The following ARHGEF7 variants were observed in gnomAD, a reference collection of about 807,000 sequenced individuals.
The protein encoded by ARHGEF7 is Rho guanine nucleotide exchange factor 7.
Under a neutral mutation model 109.8 loss-of-function variants are expected in ARHGEF7, and 33 were observed. That is an observed-to-expected ratio of 0.30 (90% CI 0.23 to 0.40). The LOEUF is 0.40. Ranked by LOEUF, ARHGEF7 falls within the 10% of genes least tolerant of loss-of-function variation. The probability of loss-of-function intolerance (pLI) is 1.00; values close to 1 mark genes in which losing one functional copy is unlikely to be tolerated. For synonymous variants in ARHGEF7, 458 were observed against 424.6 expected, an observed-to-expected ratio of 1.08 and a Z score of -0.97; for missense variants, 938 against 1,098.5, an observed-to-expected ratio of 0.85 and a Z score of 2.07.
intron 6 of ARHGEF7, among the ~76,000 whole-genome samples, chr13:111,235,060 T>C (rs1228975938): frequency 6.6e-6 from 1 of 152,244 alleles, no homozygotes; most frequent in African/African-American, 2.4e-5. Context: ...AGCTGCCCTT[T>C]CCTCTTGCAT....
Position 111,131,768 on chromosome 13 carries a change from C to T in ARHGEF7, c.165+16077C>T, listed in dbSNP as rs1224042882. Among the ~76,000 whole-genome samples the T allele has an allele frequency of 6.6e-6, 1 of 152,106 alleles. No individual in the cohort carries two copies. The highest frequency in any genetic ancestry group is 1.9e-4 in the East Asian group (1 of 5,174). On this transcript the variant is annotated intron_variant, in intron 1 of 21. Coordinates refer to ENST00000646102, the MANE Select transcript of ARHGEF7 (RefSeq NM_001354046.2). The surrounding 1 kb of genome is among the most constrained non-coding windows in gnomAD (Gnocchi z 4.4). ...GATTGTCTGCTGGCTTGGGCCTGTG[C>T]TGGGTGGGAAGGAGGGTGCTATTCC...
At chr13:111,174,491 C>T (rs527793857) in intron 2 of ARHGEF7, among the ~76,000 whole-genome samples, 14 of 152,312 alleles carry the variant, frequency 9.2e-5, no homozygotes, top group Admixed American at 9.1e-4. Flanking sequence ...CTTTCTTGCT[C>T]TTCCTTCACC....
chr13:111,273,677 A>T lies in ARHGEF7; in HGVS notation c.1074-137A>T. 8.1e-7 allele frequency: 1 copy of T among 1,235,832 alleles called. No homozygotes were observed. Among genetic ancestry groups the T allele is most frequent in the African/African-American group, 1.5e-5 (1 of 66,804 alleles). 76.6% of individuals were successfully genotyped at this position (1,235,832 alleles called of 1,614,324 possible). ...TCCAGATAAGCAGCGCAGATTTGGG[A>T]TAAAAGCTGGAGCCTTCCAGATGTT... is the stretch of plus-strand genomic sequence containing the variant. On this transcript the variant is annotated intron_variant, in intron 9 of 21. Coordinates refer to ENST00000646102, the MANE Select transcript of ARHGEF7 (RefSeq NM_001354046.2). The surrounding 1 kb of genome is among the most constrained non-coding windows in gnomAD (Gnocchi z 4.5).
intron 19 of ARHGEF7, among the ~76,000 whole-genome samples, chr13:111,297,146 A>G (rs1194046162): frequency 6.6e-6 from 1 of 152,268 alleles, no homozygotes; most frequent in East Asian, 1.9e-4. Context: ...AAACCTGGCT[A>G]GAGAACATTT....
At chr13:111,237,441 CAG>C (rs767648934) in intron 6 of ARHGEF7, among the ~76,000 whole-genome samples, 2 of 152,180 alleles carry the variant, frequency 1.3e-5, no homozygotes, top group Non-Finnish European at 2.9e-5. Context: ...TAAATCCATA[CAG>C]AGTTTCTCAA....
In ARHGEF7 at chr13:111,243,937, G is replaced by A. The variant is rs372197921; in HGVS notation, c.825G>A (p.Thr275=). The A allele has an allele frequency of 6.0e-5, 97 of 1,613,230 alleles. No individual in the cohort carries two copies. The highest frequency in any genetic ancestry group is 7.2e-5 in the Non-Finnish European group (85 of 1,179,444). Residue 275 remains threonine (T), a synonymous_variant, in exon 7 of 22, where the codon ACG becomes ACA. Coordinates refer to ENST00000646102, the MANE Select transcript of ARHGEF7 (RefSeq NM_001354046.2). ...YSKELQTVLS[T]YLRPLQTSEK... is the part of the protein sequence containing the mutation. ...AAGAACTTCAGACTGTGCTTTCAAC[G>A]TACCTACGGCCATTGCAGACCAGTG...
At chr13:111,119,959 A>G (rs907752588) in intron 1 of ARHGEF7, among the ~76,000 whole-genome samples, 3 of 152,190 alleles carry the variant, frequency 2.0e-5, no homozygotes, top group African/African-American at 7.2e-5. Flanking sequence ...TTGATTGGCT[A>G]AGTCACTTAT....
chr13:111,292,513 C>T (rs1380424077), intron 19 of ARHGEF7: 6 of 1,426,138 alleles, frequency 4.2e-6, no homozygotes, highest in Non-Finnish European at 3.7e-6. Flanking sequence ...ATTCGAATGA[C>T]TGACTATTGG....
chr13:111,243,239 T>C (rs1434260273), intron 6 of ARHGEF7, among the ~76,000 whole-genome samples: 1 of 152,216 alleles, frequency 6.6e-6, no homozygotes, highest in Non-Finnish European at 1.5e-5. Context: ...GTTTTTTTAG[T>C]TGAGAGTAAT....
chr13:111,212,613 G>A (rs929895526), intron 4 of ARHGEF7, among the ~76,000 whole-genome samples: 1 of 152,226 alleles, frequency 6.6e-6, no homozygotes, highest in African/African-American at 2.4e-5. Context: ...TTAAAGTGCT[G>A]CTTCTGCTTC....
intron 18 of ARHGEF7, among the ~76,000 whole-genome samples, chr13:111,289,163 C>A (rs984205265): frequency 1.4e-4 from 22 of 152,140 alleles, no homozygotes; most frequent in Admixed American, 6.5e-5. Flanking sequence ...TCCTGAGTTC[C>A]TGGGATTACA....
At chr13:111,203,336 A>G (rs9560006) in intron 2 of ARHGEF7, among the ~76,000 whole-genome samples, 38,784 of 152,132 alleles carry the variant, frequency 0.25, 5,990 homozygotes, top group East Asian at 0.78. Context: ...CTTAACCCGT[A>G]TTTGTTATAG....
chr13:111,293,363 C>G, intron 19 of ARHGEF7: 1 of 984,698 alleles, frequency 1.0e-6, no homozygotes, highest in East Asian at 1.1e-4. Flanking sequence ...TAGTATAAAA[C>G]CACAATGCCT....
chr13:111,244,182 A>G lies in ARHGEF7; in HGVS notation c.855-17A>G. 3 of 1,539,118 alleles carry G rather than the reference A, an allele frequency of 1.9e-6. No homozygotes were observed. The highest frequency in any genetic ancestry group is 2.3e-5 in the South Asian group (2 of 85,512). The stretch of plus-strand genomic sequence containing the variant: ...AAACTGTTTACATATGTTTACTGTT[A>G]TTTTTCTTGGCTCTAGGTTAAGTTC... On this transcript the variant is annotated splice_polypyrimidine_tract_variant and intron_variant, in intron 7 of 21. Coordinates refer to ENST00000646102, the MANE Select transcript of ARHGEF7 (RefSeq NM_001354046.2).
At position 111,283,191 on chromosome 13, in the gene ARHGEF7, C is replaced by T. The variant is rs750833153; in HGVS notation, c.1778C>T (p.Ala593Val). The T allele has an allele frequency of 8.8e-6, 14 of 1,596,486 alleles. No homozygotes were observed. In the East Asian group the frequency reaches 1.4e-4, roughly 15 times the overall value. ...PSSKHADSKP[A>V]PLTPAYHTLP... ...AGCAAGCACGCAGACAGCAAGCCCG[C>T]GCCGCTGACGCCCGCCTACCACACG... Residue 593 changes from alanine (A) to valine (V), a missense_variant, in exon 16 of 22, where the codon GCG (alanine) becomes GTG (valine). Ala to Val is a moderately conservative substitution (Grantham distance 64). Around this residue, in one of 4 missense-constraint regions of ARHGEF7, gnomAD observed 585 missense variants for 723.6 expected, o/e 0.81. Transcript: ENST00000646102.
At chr13:111,294,514 G>T in intron 19 of ARHGEF7, 1 of 985,410 alleles carries the variant, frequency 1.0e-6, no homozygotes, top group African/African-American at 1.7e-5. Context: ...CCAGTTAAAG[G>T]CATTTTGATG....
At chr13:111,171,725 G>T (rs1158670863) in intron 2 of ARHGEF7, among the ~76,000 whole-genome samples, 1 of 152,334 alleles carries the variant, frequency 6.6e-6, no homozygotes. Context: ...AAGCTCTTCT[G>T]TGGCTGCCAT....
intron 2 of ARHGEF7, among the ~76,000 whole-genome samples, chr13:111,175,141 T>C (rs1003549936): frequency 6.6e-6 from 1 of 152,224 alleles, no homozygotes; most frequent in African/African-American, 2.4e-5. Context: ...AAGCTGCTTA[T>C]TTCTTTTCGT....
chr13:111,259,529 T>G (rs2090855211), intron 8 of ARHGEF7, among the ~76,000 whole-genome samples: 1 of 152,154 alleles, frequency 6.6e-6, no homozygotes, highest in African/African-American at 2.4e-5. Context: ...TCAGCAAGAG[T>G]CACAGCATTA....
Sources: gnomAD v4.1 joint callset for allele counts (sites outside exome capture counted in the v4.1 genomes callset) on GRCh38, gnomAD v4.1.1 for gene constraint, gnomAD v4.1.1 regional missense constraint, Gnocchi (gnomAD v3.1) non-coding constraint, MANE v1.5 for transcripts, NCBI Gene and HGNC (gene_info 2026-07-23, HGNC 2026-07-21) for gene names.